The following CDK7 variants were observed in gnomAD, a reference collection of about 807,000 sequenced individuals.
The protein encoded by CDK7 is cyclin dependent kinase 7, also known as cyclin-dependent kinase 7.
Under a neutral mutation model 49.1 loss-of-function variants are expected in CDK7, and 25 were observed. The observed-to-expected ratio is 0.51, with a 90% CI of 0.37 to 0.71. The LOEUF (loss-of-function observed/expected upper bound fraction) is 0.71, where lower values mean the gene tolerates loss of function less well. Among genes scored for constraint, CDK7 ranks in the 30% least tolerant of loss-of-function variants. The probability of loss-of-function intolerance (pLI) is 0.00; values close to 1 mark genes in which losing one functional copy is unlikely to be tolerated. For synonymous variants in CDK7, 107 were observed against 140.0 expected (o/e 0.76, Z 1.67); for missense variants, 316 against 411.7 (o/e 0.77, Z 2.01).
chr5:69,243,051 A>T lies in CDK7; in HGVS notation c.126+7598A>T, dbSNP rs1433276174. Among the ~76,000 whole-genome samples the T allele has an allele frequency of 2.0e-5, 3 of 152,254 alleles. No individual in the cohort carries two copies. The East Asian group carries it at 5.8e-4, about 29-fold the overall frequency. ...CAAGAGCAAAAACTGTGTCTCAAAA[A>T]AAAAGCAAAGATGGAGTCAGCTATA... On this transcript the variant is annotated intron_variant, in intron 2 of 11. Transcript: ENST00000256443.
intron 2 of CDK7, among the ~76,000 whole-genome samples, chr5:69,250,113 G>A (rs561093856): frequency 6.6e-6 from 1 of 152,320 alleles, no homozygotes; most frequent in South Asian, 2.1e-4. Context: ...TGTTTTCCTG[G>A]ATGGCCTTAA....
chr5:69,265,123 G>A (rs372705248), intron 8 of CDK7, among the ~76,000 whole-genome samples: 1 of 152,038 alleles, frequency 6.6e-6, no homozygotes, highest in Non-Finnish European at 1.5e-5. Flanking sequence ...AAATTAGCTA[G>A]GCGTGGTGGC....
intron 3 of CDK7, among the ~76,000 whole-genome samples, chr5:69,253,414 A>G (rs1750279786): frequency 6.6e-6 from 1 of 151,868 alleles, no homozygotes; most frequent in Non-Finnish European, 1.5e-5. Context: ...ACAGGTGCAC[A>G]CCACCATGCC....
At chr5:69,271,184 A>G (rs981526139) in intron 9 of CDK7, among the ~76,000 whole-genome samples, 18 of 152,116 alleles carry the variant, frequency 1.2e-4, no homozygotes, top group Non-Finnish European at 2.5e-4. Context: ...ATGATAGCTC[A>G]TTTTGATTTT....
At chr5:69,244,486 A>T (rs1749597062) in intron 2 of CDK7, among the ~76,000 whole-genome samples, 1 of 152,072 alleles carries the variant, frequency 6.6e-6, no homozygotes, top group African/African-American at 2.4e-5. Context: ...TACAAAAAAA[A>T]TTAGCCAGGC....
At chr5:69,238,725 C>T (rs1427086096) in intron 2 of CDK7, among the ~76,000 whole-genome samples, 2 of 150,336 alleles carry the variant, frequency 1.3e-5, no homozygotes, top group East Asian at 1.9e-4. Context: ...GGCGTGATCT[C>T]GGCTCACTGC....
At chr5:69,244,000 T>A (rs1749564419) in intron 2 of CDK7, among the ~76,000 whole-genome samples, 1 of 151,644 alleles carries the variant, frequency 6.6e-6, no homozygotes, top group African/African-American at 2.4e-5. Context: ...AGCTGGCTAA[T>A]TTTTTGTATT....
rs1419165738 is a variant in CDK7, at chr5:69,269,211, C to T, written c.632C>T (p.Pro211Leu). 6.3e-7 allele frequency: 1 copy of T among 1,598,294 alleles called. No homozygotes were observed. Reference sequence around the variant, plus strand: ...CTCCCTCTTACTTTCTTTCAGGTTCCTTTTTTGCCAGGAGATTCAGACCTT... The same window carrying T: ...CTCCCTCTTACTTTCTTTCAGGTTCTTTTTTTGCCAGGAGATTCAGACCTT... ...CILAELLLRV[P>L]FLPGDSDLDQ... is the part of the protein sequence containing the mutation. The change falls in exon 9 of 12, where the codon CCT becomes CTT. Residue 211 changes from proline to leucine, a missense_variant. Transcript: ENST00000256443.
chr5:69,276,843 TTTTAG>T (rs1752200213), intron 11 of CDK7, 153 bp downstream of exon 11: 1 of 738,958 alleles, frequency 1.4e-6, no homozygotes, highest in African/African-American at 1.8e-5. Context: ...GACTGTGCCG[TTTTAG>T]GTATGTTTAC....
At chr5:69,270,115 C>T (rs868278371) in intron 9 of CDK7, among the ~76,000 whole-genome samples, 23 of 142,824 alleles carry the variant, frequency 1.6e-4, no homozygotes, top group Non-Finnish European at 3.2e-4. Context: ...ATATTATTCA[C>T]GTGCAATTGT....
At chr5:69,246,719 T>TC (rs1336197780) in intron 2 of CDK7, among the ~76,000 whole-genome samples, 2 of 151,954 alleles carry the variant, frequency 1.3e-5, no homozygotes, top group African/African-American at 4.8e-5. Context: ...TTTTTTTTTT[T>TC]CATGTAGGCA....
chr5:69,236,486 C>T (rs1356548431), intron 2 of CDK7, among the ~76,000 whole-genome samples: 1 of 152,020 alleles, frequency 6.6e-6, no homozygotes, highest in Non-Finnish European at 1.5e-5. Context: ...TCTGCTTCTC[C>T]TGCTTCAAAA....
At chr5:69,243,866 A>C (rs1749553232) in intron 2 of CDK7, among the ~76,000 whole-genome samples, 1 of 112,684 alleles carries the variant, frequency 8.9e-6, no homozygotes, top group Admixed American at 1.4e-4. Context: ...GGAGTCTCGC[A>C]CTGTTGCCTG....
At chr5:69,251,624 G>A (rs2150200703) in intron 2 of CDK7, among the ~76,000 whole-genome samples, 1 of 152,196 alleles carries the variant, frequency 6.6e-6, no homozygotes, top group South Asian at 2.1e-4. Context: ...ACTGTAGCCT[G>A]GGCTCAAGCA....
chr5:69,259,737 A>T, intron 6 of CDK7, 81 bp from the exon 7 acceptor site: 2 of 845,268 alleles, frequency 2.4e-6, no homozygotes, highest in Non-Finnish European at 3.8e-6. Context: ...TGCTAAGTTT[A>T]AAGTTATGCC....
In CDK7 at chr5:69,272,114, T is replaced by G. The variant is rs1580347463; in HGVS notation, c.715-778T>G. Among the ~76,000 whole-genome samples the G allele has an allele frequency of 6.6e-5, 10 of 152,224 alleles. 1 individual carries two copies. In the South Asian group the frequency reaches 2.1e-3, roughly 32 times the overall value. On this transcript the variant is annotated intron_variant, in intron 9 of 11. Coordinates refer to ENST00000256443, the MANE Select transcript of CDK7 (RefSeq NM_001799.4). ...CCAAGTTCAGATTTTTGCACATGTA[T>G]GTCGAAGTGTTCCAGCAGTATTTGT...
At chr5:69,248,792 TTTTTTTTTTC>T (rs1392481742) in intron 2 of CDK7, among the ~76,000 whole-genome samples, 6 of 129,656 alleles carry the variant, frequency 4.6e-5, no homozygotes, top group South Asian at 5.7e-4. Context: ...CTTCTTTTCT[TTTTTTTTTTC>T]TTTTTTTTTT....
chr5:69,275,957 C>T (rs923802852), intron 10 of CDK7, among the ~76,000 whole-genome samples: 7 of 152,142 alleles, frequency 4.6e-5, no homozygotes, highest in Non-Finnish European at 8.8e-5. Context: ...CACTTCTGGT[C>T]CCAAGCATTT....
intron 2 of CDK7, chr5:69,250,902 A>G: frequency 2.2e-6 from 1 of 455,898 alleles, no homozygotes; most frequent in Non-Finnish European, 4.4e-6. Context: ...CATGAATCCT[A>G]AATGGTCTAC....
Sources: allele counts gnomAD v4.1 joint callset (sites outside exome capture counted in the v4.1 genomes callset), GRCh38; gene constraint gnomAD v4.1.1; transcripts MANE v1.5; gene names NCBI Gene and HGNC (gene_info 2026-07-23, HGNC 2026-07-21).